The following AHRR variants were observed in gnomAD, a reference collection of about 807,000 sequenced individuals.
AHRR encodes ahR repressor.
Under a neutral mutation model 44.0 loss-of-function variants are expected in AHRR, and 28 were observed. That is an observed-to-expected ratio of 0.64 (90% CI 0.47 to 0.87). The LOEUF (loss-of-function observed/expected upper bound fraction) is 0.87. Ranked by LOEUF, AHRR falls within the 40% of genes least tolerant of loss-of-function variation. The pLI is 0.00. For missense variants in AHRR, 990 were observed against 953.9 expected (o/e 1.04, Z -0.50); for synonymous variants, 434 against 407.0 (o/e 1.07, Z -0.80).
chr5:398,117 CA>C (rs1734833957), intron 4 of AHRR, among the ~76,000 whole-genome samples: 2 of 136,854 alleles, frequency 1.5e-5, no homozygotes, highest in African/African-American at 6.3e-5. Flanking sequence ...CCTGACCATC[CA>C]CGTAGCTCCT....
At chr5:361,373 C>A (rs116310644) in intron 3 of AHRR, among the ~76,000 whole-genome samples, 1 of 152,150 alleles carries the variant, frequency 6.6e-6, no homozygotes, top group Admixed American at 6.5e-5. Context: ...GCACCACGCC[C>A]GCAGAGACAC....
intron 1 of AHRR, among the ~76,000 whole-genome samples, chr5:327,101 A>G (rs1741739648): frequency 6.6e-6 from 1 of 152,214 alleles, no homozygotes; most frequent in Admixed American, 6.5e-5. Flanking sequence ...CTAGTCGTAT[A>G]AATGGTATTG....
At chr5:421,399 G>A (rs1270824273) in intron 5 of AHRR, 3 of 578,794 alleles carry the variant, frequency 5.2e-6, no homozygotes, top group Admixed American at 3.0e-5. Context: ...CACGGAGGGC[G>A]GCCCGGACTC....
At chr5:327,004 A>G (rs753020210) in intron 1 of AHRR, among the ~76,000 whole-genome samples, 21 of 152,202 alleles carry the variant, frequency 1.4e-4, no homozygotes, top group Admixed American at 3.3e-4. Flanking sequence ...GGTTGCAGTG[A>G]GCTGAGATTG....
intron 5 of AHRR, chr5:421,285 G>A (rs1216275694): frequency 2.9e-6 from 2 of 698,656 alleles, no homozygotes; most frequent in South Asian, 3.0e-5. Flanking sequence ...CGGAACGGGC[G>A]AGGCTGTTGC....
At chr5:429,502 C>T (rs1736625254) in intron 8 of AHRR, among the ~76,000 whole-genome samples, 1 of 152,252 alleles carries the variant, frequency 6.6e-6, no homozygotes, top group Non-Finnish European at 1.5e-5. Flanking sequence ...GCCCCCTGGC[C>T]CTCAGCCCCC....
intron 1 of AHRR, among the ~76,000 whole-genome samples, chr5:339,111 C>T (rs2126348025): frequency 6.6e-6 from 1 of 152,250 alleles, no homozygotes; most frequent in Non-Finnish European, 1.5e-5. Context: ...TTGGAATTCT[C>T]TCTCTCTCTT....
intron 4 of AHRR, among the ~76,000 whole-genome samples, chr5:403,504 CG>C (rs1283156530): frequency 1.3e-5 from 2 of 151,906 alleles, no homozygotes; most frequent in African/African-American, 2.4e-5. Context: ...GGTGTGGTGG[CG>C]CATGCCTGTA....
chr5:430,721 T>C (rs1477068229), intron 8 of AHRR, among the ~76,000 whole-genome samples: 1 of 152,232 alleles, frequency 6.6e-6, no homozygotes, highest in African/African-American at 2.4e-5. Flanking sequence ...TTTCTGCTTA[T>C]GAGCAGCTTC....
chr5:343,639 C>T (rs1409725785), intron 1 of AHRR: 6 of 480,480 alleles, frequency 1.2e-5, no homozygotes, highest in Non-Finnish European at 1.8e-5. Flanking sequence ...GGCGGCTTCT[C>T]TGGGGGAGGC....
At chr5:345,511 GGTGT>G (rs142373604) in intron 2 of AHRR, among the ~76,000 whole-genome samples, 59,397 of 106,710 alleles carry the variant, frequency 0.56, 19,295 homozygotes, top group Non-Finnish European at 0.72. Flanking sequence ...GGGGGGAGGG[GGTGT>G]GTGTGTCAGA....
At chr5:381,980 T>C (rs1006416981) in intron 4 of AHRR, among the ~76,000 whole-genome samples, 3 of 152,264 alleles carry the variant, frequency 2.0e-5, no homozygotes, top group Non-Finnish European at 2.9e-5. Flanking sequence ...ACTGTCAATG[T>C]TGTACATTAC....
chr5:389,926 G>T (rs1218233836), intron 4 of AHRR, among the ~76,000 whole-genome samples: 1 of 119,702 alleles, frequency 8.4e-6, no homozygotes, highest in Non-Finnish European at 1.8e-5. Context: ...GGAGGGAGGG[G>T]GAGGGGGAGG....
At chr5:401,994 C>T (rs533124279) in intron 4 of AHRR, among the ~76,000 whole-genome samples, 4 of 152,118 alleles carry the variant, frequency 2.6e-5, no homozygotes, top group Admixed American at 6.5e-5. Flanking sequence ...CAAAGGAAAC[C>T]GTCAACACAA....
Position 434,417 on chromosome 5 carries a change from C to T in AHRR, c.1677C>T (p.Asp559=). The change falls in exon 11 of 11, where the codon GAC becomes GAT. Residue 559 remains aspartate, a synonymous_variant. Coordinates refer to ENST00000684583, the MANE Select transcript of AHRR (RefSeq NM_001377236.1). ...GCCAGGTGTGGCTGGGGGCCAGTGACAGGAGCCACCCAGCCACCTTCCCTA... is the reference window on the plus strand; with the variant it reads ...GCCAGGTGTGGCTGGGGGCCAGTGATAGGAGCCACCCAGCCACCTTCCCTA... ...VPSQVWLGAS[D]RSHPATFPTR... The T allele has an allele frequency of 6.2e-7, 1 of 1,613,294 alleles. No homozygotes were observed. Among genetic ancestry groups the T allele is most frequent in the Non-Finnish European group, 8.5e-7 (1 of 1,179,962 alleles).
chr5:344,071 C>A, intron 2 of AHRR, 107 bp downstream of exon 2: 1 of 1,242,934 alleles, frequency 8.0e-7, no homozygotes, highest in Non-Finnish European at 1.1e-6. Flanking sequence ...GCGAGGAAGG[C>A]TTCGGGAGCC....
chr5:392,565 C>G (rs924636228), intron 4 of AHRR, among the ~76,000 whole-genome samples: 1 of 152,176 alleles, frequency 6.6e-6, no homozygotes, highest in Non-Finnish European at 1.5e-5. Context: ...CTGGGGAAAC[C>G]CAACAGTGAC....
chr5:327,835 C>T (rs1353435157), intron 1 of AHRR, among the ~76,000 whole-genome samples: 1 of 151,982 alleles, frequency 6.6e-6, no homozygotes, highest in Non-Finnish European at 1.5e-5. Context: ...GCACAACGTG[C>T]AGGTTTGTTA....
chr5:377,340 C>T (rs776743971), intron 4 of AHRR, among the ~76,000 whole-genome samples: 6 of 152,200 alleles, frequency 3.9e-5, no homozygotes, highest in Non-Finnish European at 8.8e-5. Flanking sequence ...ATCCATTCGC[C>T]ATTTTGAAGA....
Sources: allele counts gnomAD v4.1 joint callset (sites outside exome capture counted in the v4.1 genomes callset), GRCh38; gene constraint gnomAD v4.1.1; transcripts MANE v1.5; gene names NCBI Gene and HGNC (gene_info 2026-07-23, HGNC 2026-07-21).